The following ACACA variants were observed in gnomAD, a reference collection of about 807,000 sequenced individuals.
The protein encoded by ACACA is acetyl-CoA carboxylase alpha.
Under a neutral mutation model 296.1 loss-of-function variants are expected in ACACA, and 103 were observed. The observed-to-expected ratio is 0.35, with a 90% CI of 0.30 to 0.41. The LOEUF (loss-of-function observed/expected upper bound fraction) is 0.41, where lower values mean the gene tolerates loss of function less well. Ranked by LOEUF, ACACA falls within the 10% of genes least tolerant of loss-of-function variation. The pLI is 1.00. For synonymous variants in ACACA, 953 were observed against 1,038.6 expected (o/e 0.92, Z 1.58); for missense variants, 1,554 against 2,989.7 (o/e 0.52, Z 11.20).
At chr17:37,384,942 C>A (rs1337224162) in intron 1 of ACACA, among the ~76,000 whole-genome samples, 1 of 152,108 alleles carries the variant, frequency 6.6e-6, no homozygotes, top group Non-Finnish European at 1.5e-5. Context: ...TGATATGAGA[C>A]CACTAAAAAT....
rs567691145 is a variant in ACACA, at chr17:37,107,999, C to T, written c.6565+3532G>A. 5.9e-5 allele frequency among the ~76,000 whole-genome samples: 9 copies of T among 152,322 alleles called. No individual in the cohort carries two copies. The East Asian group carries it at 1.5e-3, about 26-fold the overall frequency. On this transcript the variant is annotated intron_variant, in intron 52 of 55. Coordinates refer to ENST00000616317, the MANE Select transcript of ACACA (RefSeq NM_198834.3). ...ACAAAAAGGACTTGGAGGGCTGCGG[C>T]TCCATTTCCAGAGAAGAAATTTAAT... is the stretch of plus-strand genomic sequence containing the variant.
chr17:37,201,263 AC>A (rs775081178), intron 33 of ACACA, among the ~76,000 whole-genome samples: 2 of 152,102 alleles, frequency 1.3e-5, no homozygotes, highest in Non-Finnish European at 2.9e-5. Flanking sequence ...ACATGGCAAA[AC>A]CCTGTCTCTA....
intron 1 of ACACA, among the ~76,000 whole-genome samples, chr17:37,346,265 C>T (rs993601915): frequency 3.4e-5 from 5 of 147,266 alleles, no homozygotes; most frequent in Admixed American, 2.1e-4. Flanking sequence ...TGCAGTGAGC[C>T]GAGATCATGC....
intron 1 of ACACA, chr17:37,375,847 C>T (rs187991505): frequency 4.2e-4 from 194 of 465,108 alleles, no homozygotes; most frequent in Non-Finnish European, 6.6e-4. Context: ...TTCTCTATGT[C>T]GGCACCGGCA....
intron 1 of ACACA, among the ~76,000 whole-genome samples, chr17:37,354,327 C>A (rs937732587): frequency 6.6e-5 from 10 of 152,188 alleles, no homozygotes; most frequent in Non-Finnish European, 1.2e-4. Context: ...AACCTTTAGG[C>A]AGGGCACTGA....
At chr17:37,169,503 G>T (rs1215602511) in intron 41 of ACACA, among the ~76,000 whole-genome samples, 1 of 152,086 alleles carries the variant, frequency 6.6e-6, no homozygotes, top group African/African-American at 2.4e-5. Context: ...TCATCTCAAA[G>T]GATTAGATCA....
chr17:37,349,432 C>T (rs946564474), intron 1 of ACACA, among the ~76,000 whole-genome samples: 15 of 146,808 alleles, frequency 1.0e-4, no homozygotes, highest in African/African-American at 2.7e-4. Context: ...ATACATATAT[C>T]TTACATATAG....
At chr17:37,206,075 A>C (rs2078486270) in intron 32 of ACACA, among the ~76,000 whole-genome samples, 2 of 152,226 alleles carry the variant, frequency 1.3e-5, no homozygotes, top group South Asian at 4.1e-4. Flanking sequence ...TATAAATTTT[A>C]AAAGATAAGG....
At chr17:37,337,718 G>T (rs2048190841) in intron 2 of ACACA, among the ~76,000 whole-genome samples, 1 of 151,580 alleles carries the variant, frequency 6.6e-6, no homozygotes, top group South Asian at 2.1e-4. Context: ...CTCCCAAACG[G>T]TTGGGATTAT....
intron 3 of ACACA, among the ~76,000 whole-genome samples, chr17:37,304,947 A>AAAAT (rs1406774071): frequency 6.6e-6 from 1 of 152,166 alleles, no homozygotes; most frequent in Non-Finnish European, 1.5e-5. Flanking sequence ...TATAAAAATA[A>AAAAT]AAATAAATAA....
chr17:37,329,667 C>T lies in ACACA; in HGVS notation c.338+506G>A, dbSNP rs540588751. ...AAAAAAAAAAAAAAAATAGGCTGGG[C>T]GGGGTAGCTCACACCTCTAATCCCA... On this transcript the variant is annotated intron_variant, in intron 3 of 55. Transcript: ENST00000616317. Among the ~76,000 whole-genome samples, 192 of 141,772 alleles carry T rather than the reference C, an allele frequency of 1.4e-3. No individual in the cohort carries two copies. The East Asian group carries it at 0.022, about 16-fold the overall frequency. The allele number at this position is 141,772 out of a possible 152,430, so 93.0% of individuals were successfully genotyped here. A position where few individuals can be genotyped will look rare whatever the true frequency, so the allele number is the denominator to read the frequency against.
chr17:37,152,859 T>C (rs1047632019), intron 43 of ACACA, among the ~76,000 whole-genome samples: 1 of 152,226 alleles, frequency 6.6e-6, no homozygotes, highest in Non-Finnish European at 1.5e-5. Context: ...CCCCATATTT[T>C]CCTGCTCCCT....
chr17:37,235,885 T>C (rs914267480), intron 24 of ACACA, among the ~76,000 whole-genome samples: 6 of 152,218 alleles, frequency 3.9e-5, no homozygotes, highest in African/African-American at 1.4e-4. Context: ...AGGAAAGCTA[T>C]GTTTTACAAC....
intron 3 of ACACA, among the ~76,000 whole-genome samples, chr17:37,325,564 T>C (rs1419467093): frequency 7.3e-5 from 11 of 149,734 alleles, no homozygotes. Flanking sequence ...CTTAGGGTCT[T>C]ATTTTCTTTT....
intron 45 of ACACA, among the ~76,000 whole-genome samples, chr17:37,142,989 G>A (rs2075656936): frequency 6.6e-6 from 1 of 152,208 alleles, no homozygotes; most frequent in African/African-American, 2.4e-5. Flanking sequence ...GAACCTTAGA[G>A]AAGACTATGG....
rs1409933426 is a variant in ACACA at position 37,085,999 on chromosome 17, T to C, written c.*1317A>G. The C allele has an allele frequency of 1.5e-5, 6 of 396,478 alleles. No individual in the cohort carries two copies. In the East Asian group the frequency reaches 1.8e-4, roughly 12 times the overall value. The allele number at this position is 396,478 out of a possible 1,614,324, so 24.6% of individuals were successfully genotyped here. A position where few individuals can be genotyped will look rare whatever the true frequency, so the allele number is the denominator to read the frequency against. On this transcript the variant is annotated 3_prime_UTR_variant, in exon 56 of 56. Coordinates refer to ENST00000616317, the MANE Select transcript of ACACA (RefSeq NM_198834.3). The stretch of plus-strand genomic sequence containing the variant: ...CAGTAAGTTCTTTTCTTGAATAAAC[T>C]AGTTGTTGAAAGTAAACTCTCTCCA...
At chr17:37,290,991 A>G (rs1389359380) in intron 3 of ACACA, among the ~76,000 whole-genome samples, 2 of 149,952 alleles carry the variant, frequency 1.3e-5, no homozygotes, top group East Asian at 4.1e-4. Flanking sequence ...CTGAGGCAGG[A>G]GAATCACTTG....
At position 37,086,648 on chromosome 17, in the gene ACACA, CAAG is replaced by C. The variant is rs1392539873; in HGVS notation, c.*665_*667del. 1 of 153,760 alleles carries C rather than the reference CAAG, an allele frequency of 6.5e-6. No individual in the cohort carries two copies. Among genetic ancestry groups the C allele is most frequent in the East Asian group, 1.9e-4 (1 of 5,224 alleles). The allele number at this position is 153,760 out of a possible 1,614,324, so 9.5% of individuals were successfully genotyped here. A position where few individuals can be genotyped will look rare whatever the true frequency, so the allele number is the denominator to read the frequency against. On this transcript the variant is annotated 3_prime_UTR_variant, in exon 56 of 56. Transcript: ENST00000616317. ...AACCCAAGGTTGAGGTCCCCTAAAT[CAAG>C]AATAACTGGTTCTATTTTCTTTCTC...
chr17:37,260,373 G>A (rs1243068666), intron 11 of ACACA, among the ~76,000 whole-genome samples: 3 of 136,734 alleles, frequency 2.2e-5, no homozygotes, highest in East Asian at 2.3e-4. Context: ...GCGCAATCTC[G>A]GCTCACTGTA....
Sources: gnomAD v4.1 joint callset for allele counts (sites outside exome capture counted in the v4.1 genomes callset) on GRCh38, gnomAD v4.1.1 for gene constraint, MANE v1.5 for transcripts, NCBI Gene and HGNC (gene_info 2026-07-23, HGNC 2026-07-21) for gene names.